The following BTBD8 variants were observed in gnomAD, a reference collection of about 807,000 sequenced individuals.
The protein encoded by BTBD8 is BTB domain containing 8, also known as BTB/POZ domain-containing protein 8.
A neutral mutation model predicts 162.9 loss-of-function variants in BTBD8; 110 were observed. That is an observed-to-expected ratio of 0.68 (90% confidence interval 0.58 to 0.79). BTBD8 has a LOEUF of 0.79. Among genes scored for constraint, BTBD8 ranks in the 30% least tolerant of loss-of-function variants. BTBD8 has a pLI of 0.00. For missense variants in BTBD8, 1,905 were observed against 2,085.4 expected (o/e 0.91, Z 1.68); for synonymous variants, 667 against 716.1 (o/e 0.93, Z 1.10).
Position 92,168,918 on chromosome 1 carries a change from T to G in BTBD8, c.1496T>G (p.Val499Gly). ...CGTGATAAGCTGTGGATCTTCCTGG[T>G]TCAGTCTTTCTATGCTGTTCGTCAC... is the stretch of plus-strand genomic sequence containing the variant. ...ALRDKLWIFL[V>G]QSFYAVRHTE... The change falls in exon 12 of 18, where the codon GTT becomes GGT. Residue 499 changes from valine (V) to glycine (G), a missense_variant. Val to Gly is a moderately radical substitution (Grantham distance 109). Coordinates refer to ENST00000636805, the MANE Select transcript of BTBD8 (RefSeq NM_001376131.1). The G allele has an allele frequency of 6.5e-7, 1 of 1,544,966 alleles. No homozygotes were observed.
chr1:92,175,512 T>C (rs10159094), intron 13 of BTBD8, among the ~76,000 whole-genome samples: 88,117 of 140,638 alleles, frequency 0.63, 28,124 homozygotes, highest in East Asian at 0.96. Context: ...ATGACAATAT[T>C]GGCCGGGCAC....
Position 92,184,584 on chromosome 1 carries a change from T to C in BTBD8, c.*254T>C, listed in dbSNP as rs746174913. The C allele has an allele frequency of 3.3e-6, 1 of 304,718 alleles. No individual in the cohort carries two copies. The highest frequency in any genetic ancestry group is 6.0e-6 in the Non-Finnish European group (1 of 165,798). The allele number at this position is 304,718 out of a possible 1,614,324, so 18.9% of individuals were successfully genotyped here. A position where few individuals can be genotyped will look rare whatever the true frequency, so the allele number is the denominator to read the frequency against. The stretch of plus-strand genomic sequence containing the variant: ...GGAAACCCTAGCTTCAGTTTTCCTT[T>C]CCTAGCTGATGATTTGTTCACTTAA... On this transcript the variant is annotated 3_prime_UTR_variant, in exon 18 of 18. Coordinates refer to ENST00000636805, the MANE Select transcript of BTBD8 (RefSeq NM_001376131.1).
chr1:92,161,076 G>A (rs529536741), intron 9 of BTBD8, among the ~76,000 whole-genome samples: 5 of 152,322 alleles, frequency 3.3e-5, no homozygotes, highest in African/African-American at 1.2e-4. Flanking sequence ...TGGTGAGAGT[G>A]TGTCTCATAT....
chr1:92,130,739 C>T (rs560418256), intron 5 of BTBD8, among the ~76,000 whole-genome samples: 1 of 152,250 alleles, frequency 6.6e-6, no homozygotes, highest in South Asian at 2.1e-4. Context: ...CATTCGGTCA[C>T]CCAGGCTGGA....
rs1008821920 is a variant in BTBD8 at position 92,167,839 on chromosome 1, GT to G, written c.1306-5del. 5 of 1,545,150 alleles carry G rather than the reference GT, an allele frequency of 3.2e-6. No homozygotes were observed. The African/African-American group carries it at 6.9e-5, about 21-fold the overall frequency. On this transcript the variant is annotated splice_polypyrimidine_tract_variant and splice_region_variant and intron_variant, in intron 10 of 17. Transcript: ENST00000636805. Reference sequence around the variant, plus strand: ...ATTCCTCTTAAATATTAATTTCTGTGTTTTATAGTCACAAGCAATGAGCAGC... The same window carrying G: ...ATTCCTCTTAAATATTAATTTCTGTGTTTATAGTCACAAGCAATGAGCAGC...
intron 6 of BTBD8, among the ~76,000 whole-genome samples, chr1:92,140,689 CCA>C (rs1649756209): frequency 6.6e-6 from 1 of 152,164 alleles, no homozygotes; most frequent in African/African-American, 2.4e-5. Flanking sequence ...GATGCTATCT[CCA>C]ATCTTAGGGT....
In BTBD8 at chr1:92,147,711, T is replaced by C. The variant is rs1247767154; in HGVS notation, c.1047T>C (p.Phe349=). 6.2e-7 allele frequency: 1 copy of C among 1,613,004 alleles called. No homozygotes were observed. The highest frequency in any genetic ancestry group is 1.1e-5 in the South Asian group (1 of 90,640). Reference sequence around the variant, plus strand: ...GGATTGTAAAGCATTTTGCAAGGTTTTGGTCTGAGAGAAGCTTTGCAAATA... The same window carrying C: ...GGATTGTAAAGCATTTTGCAAGGTTCTGGTCTGAGAGAAGCTTTGCAAATA... ...MKWIVKHFAR[F]WSERSFANIP... Residue 349 remains phenylalanine, a synonymous_variant, in exon 9 of 18, where the codon TTT becomes TTC. Coordinates refer to ENST00000636805, the MANE Select transcript of BTBD8 (RefSeq NM_001376131.1).
chr1:92,163,354 CAAAAAAAAAAA>C (rs34760395), intron 9 of BTBD8, among the ~76,000 whole-genome samples: 17 of 20,406 alleles, frequency 8.3e-4, no homozygotes, highest in Admixed American at 4.7e-3. Context: ...GATTCTGTCT[CAAAAAAAAAAA>C]AAAAAAAAAA....
intron 2 of BTBD8, among the ~76,000 whole-genome samples, chr1:92,101,828 C>G (rs1486465521): frequency 6.6e-6 from 1 of 152,034 alleles, no homozygotes; most frequent in African/African-American, 2.4e-5. Flanking sequence ...ACCCAAGTAG[C>G]TGGGACTACA....
chr1:92,149,303 C>T (rs1649993706), intron 9 of BTBD8, among the ~76,000 whole-genome samples: 1 of 151,988 alleles, frequency 6.6e-6, no homozygotes, highest in Non-Finnish European at 1.5e-5. Flanking sequence ...GTACAGATAT[C>T]AAAGAAAACT....
Position 92,088,772 on chromosome 1 carries a change from T to C in BTBD8, c.224T>C (p.Val75Ala). 1 of 1,613,204 alleles carries C rather than the reference T, an allele frequency of 6.2e-7. No homozygotes were observed. The highest frequency in any genetic ancestry group is 1.1e-5 in the South Asian group (1 of 91,000). Residue 75 changes from valine to alanine, a missense_variant, in exon 2 of 18, where the codon GTC becomes GCC. This residue lies in a region of BTBD8 where 1,374 missense variants were observed against 1,442.7 expected (regional missense o/e 0.95). Transcript: ENST00000636805. Reference protein sequence around the residue: ...GCTLFKAHKAVLLARVPDFYF... With the variant: ...GCTLFKAHKAALLARVPDFYF... ...ACTTTGTTCAAAGCACACAAAGCAG[T>C]CCTTTTAGCAAGAGTTCCTGACTTC...
chr1:92,172,728 A>T (rs763184541), intron 13 of BTBD8, among the ~76,000 whole-genome samples: 3 of 152,238 alleles, frequency 2.0e-5, no homozygotes, highest in Non-Finnish European at 4.4e-5. Flanking sequence ...GTTGATAGGA[A>T]CTAATGCAGC....
At chr1:92,170,569 G>A (rs1650510677) in intron 12 of BTBD8, among the ~76,000 whole-genome samples, 1 of 152,076 alleles carries the variant, frequency 6.6e-6, no homozygotes, top group African/African-American at 2.4e-5. Flanking sequence ...AGAGATCATG[G>A]AAGATGCATG....
intron 13 of BTBD8, among the ~76,000 whole-genome samples, chr1:92,172,397 T>C (rs1233684774): frequency 1.3e-5 from 2 of 152,192 alleles, no homozygotes; most frequent in Non-Finnish European, 2.9e-5. Context: ...AAAGAGTACT[T>C]AAGTGTATTA....
At chr1:92,106,928 G>T (rs1051016772) in intron 3 of BTBD8, among the ~76,000 whole-genome samples, 2 of 151,908 alleles carry the variant, frequency 1.3e-5, no homozygotes, top group Non-Finnish European at 2.9e-5. Context: ...CATAAAAGTA[G>T]CTGAGCATGG....
intron 9 of BTBD8, among the ~76,000 whole-genome samples, chr1:92,151,193 A>G (rs1312983692): frequency 6.6e-6 from 1 of 152,066 alleles, no homozygotes; most frequent in Non-Finnish European, 1.5e-5. Flanking sequence ...AATCTACTAA[A>G]AATACAAAAA....
rs76223612 is a variant in BTBD8 at position 92,134,528 on chromosome 1, C to T, written c.752+4752C>T. Reference sequence around the variant, plus strand: ...GTATTTTGCATGGCTGGCTTCTTCTCATGCATGAAATCTCAGATCAAGCAT... The same window carrying T: ...GTATTTTGCATGGCTGGCTTCTTCTTATGCATGAAATCTCAGATCAAGCAT... On this transcript the variant is annotated intron_variant, in intron 5 of 17. Transcript: ENST00000636805. Among the ~76,000 whole-genome samples, 1,256 of 152,272 alleles carry T rather than the reference C, an allele frequency of 8.2e-3. 23 individuals are homozygous for T. Among genetic ancestry groups the T allele is most frequent in the African/African-American group, 0.028 (1,166 of 41,546 alleles).
chr1:92,152,016 A>G (rs993243367), intron 9 of BTBD8, among the ~76,000 whole-genome samples: 4 of 152,152 alleles, frequency 2.6e-5, no homozygotes, highest in African/African-American at 7.2e-5. Context: ...TTAGCATAAG[A>G]CAGGTACTGT....
At chr1:92,111,544 T>G (rs1307190956) in intron 4 of BTBD8, among the ~76,000 whole-genome samples, 16 of 152,188 alleles carry the variant, frequency 1.1e-4, no homozygotes. Flanking sequence ...AGTTGGTCTT[T>G]TTGCGTTTAG....
Sources: allele counts gnomAD v4.1 joint callset (sites outside exome capture counted in the v4.1 genomes callset), GRCh38; gene constraint gnomAD v4.1.1; regional missense constraint gnomAD v4.1.1; transcripts MANE v1.5; gene names NCBI Gene and HGNC (gene_info 2026-07-23, HGNC 2026-07-21).